Variants in SHISA9 observed in about 807,000 individuals in gnomAD.
SHISA9 encodes protein shisa-9.
SHISA9 carries 13 observed loss-of-function variants against 38.0 expected under a neutral mutation model. That is an observed-to-expected ratio of 0.34 (90% CI 0.22 to 0.54). The LOEUF (loss-of-function observed/expected upper bound fraction) is 0.54, where lower values mean the gene tolerates loss of function less well. Among genes scored for constraint, SHISA9 ranks in the 20% least tolerant of loss-of-function variants. The pLI, the probability that SHISA9 is intolerant of heterozygous loss-of-function variation, is 0.91. For missense variants in SHISA9, 538 were observed against 575.8 expected (o/e 0.93, Z 0.67); for synonymous variants, 275 against 242.0 (o/e 1.14, Z -1.27).
At chr16:13,090,961 T>C (rs2073768774) in intron 2 of SHISA9, among the ~76,000 whole-genome samples, 2 of 152,222 alleles carry the variant, frequency 1.3e-5, no homozygotes, top group South Asian at 2.1e-4. Flanking sequence ...GTTTATTTAG[T>C]GCTTCCTTCA....
the SHISA9 span, among the ~76,000 whole-genome samples, chr16:13,429,356 G>A: frequency 6.6e-6 from 1 of 152,142 alleles, no homozygotes; most frequent in African/African-American, 2.4e-5. Flanking sequence ...CGGGCTGTAA[G>A]GGAAAATGTA....
At chr16:13,479,635 G>A in the SHISA9 span, among the ~76,000 whole-genome samples, 4 of 152,154 alleles carry the variant, frequency 2.6e-5, no homozygotes, top group East Asian at 7.7e-4. Flanking sequence ...TCCATAACAT[G>A]CTAATCACGA....
At chr16:13,390,408 T>C in the SHISA9 span, among the ~76,000 whole-genome samples, 1 of 152,236 alleles carries the variant, frequency 6.6e-6, no homozygotes, top group Non-Finnish European at 1.5e-5. Flanking sequence ...GGTCCAGTTC[T>C]GTCTCACTGG....
the SHISA9 span, among the ~76,000 whole-genome samples, chr16:13,357,483 C>A: frequency 1.3e-5 from 2 of 152,236 alleles, no homozygotes; most frequent in South Asian, 2.1e-4. Context: ...GACTTGAGGT[C>A]GTAGGTGGAT....
chr16:13,299,753 G>A, the SHISA9 span, among the ~76,000 whole-genome samples: 2 of 151,336 alleles, frequency 1.3e-5, no homozygotes, highest in Admixed American at 6.6e-5. Context: ...TGGCTTTAAA[G>A]TCCAAGCTCT....
the SHISA9 span, among the ~76,000 whole-genome samples, chr16:13,259,655 C>T: frequency 1.3e-5 from 2 of 152,238 alleles, no homozygotes; most frequent in African/African-American, 2.4e-5. Flanking sequence ...TGTGTATCCA[C>T]ATGCTCAGTA....
intron 2 of SHISA9, among the ~76,000 whole-genome samples, chr16:12,949,200 A>G (rs1244405774): frequency 6.6e-6 from 1 of 152,178 alleles, no homozygotes; most frequent in Non-Finnish European, 1.5e-5. Context: ...GAGTACTAGC[A>G]GGAAAAGTCT....
chr16:13,180,753 G>C (rs1157626177), intron 2 of SHISA9, among the ~76,000 whole-genome samples: 1 of 152,108 alleles, frequency 6.6e-6, no homozygotes, highest in Non-Finnish European at 1.5e-5. Context: ...AACTGAAAAT[G>C]AGAGACTGAG....
chr16:13,052,401 C>T (rs2073262987), intron 2 of SHISA9, among the ~76,000 whole-genome samples: 1 of 152,138 alleles, frequency 6.6e-6, no homozygotes, highest in South Asian at 2.1e-4. Context: ...GGGAGCAAAG[C>T]AATGAGGCCA....
At chr16:13,274,142 A>G in the SHISA9 span, among the ~76,000 whole-genome samples, 1 of 152,334 alleles carries the variant, frequency 6.6e-6, no homozygotes, top group South Asian at 2.1e-4. Flanking sequence ...GGCTCGTAAG[A>G]TGAAAGCATA....
chr16:13,550,859 C>T, the SHISA9 span, among the ~76,000 whole-genome samples: 1 of 151,974 alleles, frequency 6.6e-6, no homozygotes, highest in Admixed American at 6.5e-5. Context: ...TGCAGTGGCT[C>T]ACACTTGTAA....
chr16:13,274,699 C>T, the SHISA9 span, among the ~76,000 whole-genome samples: 1 of 152,040 alleles, frequency 6.6e-6, no homozygotes, highest in Non-Finnish European at 1.5e-5. Context: ...CCATGACATG[C>T]CAACTCTGGG....
the SHISA9 span, among the ~76,000 whole-genome samples, chr16:13,358,022 A>T: frequency 6.6e-6 from 1 of 152,122 alleles, no homozygotes; most frequent in African/African-American, 2.4e-5. Flanking sequence ...TGCAGGTCAC[A>T]GGGGATGTGA....
the SHISA9 span, among the ~76,000 whole-genome samples, chr16:13,289,945 A>G: frequency 6.6e-6 from 1 of 152,218 alleles, no homozygotes; most frequent in East Asian, 1.9e-4. Context: ...GATTAAAGAA[A>G]GAATGCTGTA....
chr16:13,445,686 TC>T, the SHISA9 span, among the ~76,000 whole-genome samples: 1 of 152,196 alleles, frequency 6.6e-6, no homozygotes, highest in Non-Finnish European at 1.5e-5. Context: ...TGGTTTTAAT[TC>T]ACAGTGCTAT....
the SHISA9 span, among the ~76,000 whole-genome samples, chr16:13,311,816 C>T: frequency 6.6e-6 from 1 of 152,072 alleles, no homozygotes; most frequent in Admixed American, 6.5e-5. Context: ...TTACCAGTTA[C>T]GATTTTGTGC....
chr16:13,484,438 C>T, the SHISA9 span, among the ~76,000 whole-genome samples: 1 of 152,156 alleles, frequency 6.6e-6, no homozygotes, highest in Non-Finnish European at 1.5e-5. Context: ...ACTTCACATG[C>T]ATAACTGGTG....
chr16:13,183,174 C>G (rs1016211869), intron 2 of SHISA9, among the ~76,000 whole-genome samples: 2 of 152,168 alleles, frequency 1.3e-5, no homozygotes, highest in African/African-American at 4.8e-5. Flanking sequence ...TCACAAAGTT[C>G]TGCCTAAGTT....
At chr16:13,507,069 GTA>G in the SHISA9 span, among the ~76,000 whole-genome samples, 14 of 148,644 alleles carry the variant, frequency 9.4e-5, no homozygotes, top group Admixed American at 6.7e-5. Context: ...CAACCACCAT[GTA>G]TATATATATA....
Sources: allele counts gnomAD v4.1 joint callset (sites outside exome capture counted in the v4.1 genomes callset), GRCh38; gene constraint gnomAD v4.1.1; transcripts MANE v1.5; gene names NCBI Gene and HGNC (gene_info 2026-07-23, HGNC 2026-07-21).